The following ADIPOR2 variants were observed in gnomAD, a reference collection of about 807,000 sequenced individuals.
The protein encoded by ADIPOR2 is adiponectin receptor protein 2.
A neutral mutation model predicts 40.9 loss-of-function variants in ADIPOR2; 18 were observed. The observed-to-expected ratio is 0.44, with a 90% CI of 0.30 to 0.65. The LOEUF is 0.65. Ranked by LOEUF, ADIPOR2 falls within the 30% of genes least tolerant of loss-of-function variation. The pLI is 0.09. For missense variants in ADIPOR2, 283 were observed against 479.2 expected (o/e 0.59, Z 3.82); for synonymous variants, 165 against 166.4 (o/e 0.99, Z 0.06).
chr12:1,763,275 ATCACAGTTT>A (rs1422326260), intron 2 of ADIPOR2, among the ~76,000 whole-genome samples: 12 of 152,350 alleles, frequency 7.9e-5, no homozygotes, highest in Middle Eastern at 6.8e-3. Context: ...AGAGCCAGTG[ATCACAGTTT>A]TCTTTTCATA....
At chr12:1,761,738 C>T (rs1185658476) in intron 2 of ADIPOR2, among the ~76,000 whole-genome samples, 1 of 152,236 alleles carries the variant, frequency 6.6e-6, no homozygotes, top group Non-Finnish European at 1.5e-5. Flanking sequence ...ATGGTCTCCT[C>T]ATCATCTGTT....
chr12:1,758,851 C>G (rs775247868), intron 2 of ADIPOR2, among the ~76,000 whole-genome samples: 1 of 152,174 alleles, frequency 6.6e-6, no homozygotes, highest in East Asian at 1.9e-4. Flanking sequence ...CAGACATTAT[C>G]TCATTTGCTT....
intron 1 of ADIPOR2, among the ~76,000 whole-genome samples, chr12:1,723,640 AAAAAC>A (rs143381580): frequency 0.068 from 10,338 of 151,596 alleles, 435 homozygotes; most frequent in East Asian, 0.17. Context: ...ACTCCATCTC[AAAAAC>A]AAAACAAAAC....
intron 1 of ADIPOR2, among the ~76,000 whole-genome samples, chr12:1,705,707 G>A (rs1335138048): frequency 6.6e-6 from 1 of 152,154 alleles, no homozygotes; most frequent in African/African-American, 2.4e-5. Flanking sequence ...TGGGAAATGA[G>A]GATAACCGTT....
chr12:1,695,814 A>G (rs1305678360), intron 1 of ADIPOR2: 1 of 151,962 alleles, frequency 6.6e-6, no homozygotes, highest in Non-Finnish European at 1.5e-5. Context: ...TTGGGAATGG[A>G]AGGCTGGCTT....
intron 1 of ADIPOR2, among the ~76,000 whole-genome samples, chr12:1,730,521 G>A (rs757961015): frequency 1.7e-4 from 26 of 151,662 alleles, no homozygotes; most frequent in Non-Finnish European, 3.5e-4. Context: ...GGAAGCTGAG[G>A]CAGGAGAATG....
At chr12:1,700,033 C>A (rs2094647105) in intron 1 of ADIPOR2, among the ~76,000 whole-genome samples, 1 of 152,194 alleles carries the variant, frequency 6.6e-6, no homozygotes, top group Non-Finnish European at 1.5e-5. Context: ...GAAAAGGACA[C>A]TTAAGTTTTT....
chr12:1,762,594 T>G (rs963542434), intron 2 of ADIPOR2, among the ~76,000 whole-genome samples: 2 of 152,220 alleles, frequency 1.3e-5, no homozygotes, highest in Non-Finnish European at 2.9e-5. Flanking sequence ...TAGGGAAGCT[T>G]AACTAATCTA....
intron 7 of ADIPOR2, 53 bp from the exon 8 acceptor site, chr12:1,785,891 T>C (rs1862820256): frequency 2.7e-5 from 44 of 1,601,192 alleles, no homozygotes; most frequent in Non-Finnish European, 3.7e-5. Context: ...TCTTTAGCAG[T>C]CTTAATAATG....
chr12:1,730,446 T>A (rs1196737008), intron 1 of ADIPOR2, among the ~76,000 whole-genome samples: 1 of 151,620 alleles, frequency 6.6e-6, no homozygotes. Context: ...TGAAACCTCG[T>A]CTCTACTAAA....
At chr12:1,691,289 G>C (rs1407798615) in intron 1 of ADIPOR2, 98 bp downstream of exon 1, 1 of 152,538 alleles carries the variant, frequency 6.6e-6, no homozygotes, top group Non-Finnish European at 1.5e-5. Context: ...GGTGAGAGCT[G>C]AGGGGCGAAT....
At chr12:1,720,026 A>G (rs939310336) in intron 1 of ADIPOR2, among the ~76,000 whole-genome samples, 1 of 152,152 alleles carries the variant, frequency 6.6e-6, no homozygotes, top group Non-Finnish European at 1.5e-5. Context: ...AGTGAATTCT[A>G]AAGAAGGCCT....
intron 1 of ADIPOR2, among the ~76,000 whole-genome samples, chr12:1,703,871 A>G (rs915536836): frequency 1.3e-5 from 2 of 152,160 alleles, no homozygotes; most frequent in Non-Finnish European, 2.9e-5. Flanking sequence ...GTGCCACCAC[A>G]CATGATTAAT....
chr12:1,769,151 CATAAT>C (rs1424488412), intron 2 of ADIPOR2, among the ~76,000 whole-genome samples: 2 of 152,142 alleles, frequency 1.3e-5, no homozygotes, highest in African/African-American at 2.4e-5. Flanking sequence ...TAATTTCACT[CATAAT>C]AAAATAGTTA....
intron 1 of ADIPOR2, among the ~76,000 whole-genome samples, chr12:1,704,484 A>G (rs563710463): frequency 1.3e-5 from 2 of 152,340 alleles, no homozygotes; most frequent in Non-Finnish European, 2.9e-5. Context: ...ATTAATGAGG[A>G]AACAGATTGC....
intron 1 of ADIPOR2, among the ~76,000 whole-genome samples, chr12:1,722,296 A>G (rs1450439487): frequency 6.6e-6 from 1 of 152,210 alleles, no homozygotes. Context: ...GGTGCAGTTT[A>G]CTGAAATGGA....
chr12:1,696,919 TC>T (rs1454497024), intron 1 of ADIPOR2: 3 of 153,066 alleles, frequency 2.0e-5, no homozygotes, highest in Non-Finnish European at 2.9e-5. Flanking sequence ...TGTCATGTCT[TC>T]CCTAAAGTTC....
At chr12:1,748,753 C>G (rs1265264904) in intron 1 of ADIPOR2, among the ~76,000 whole-genome samples, 1 of 152,018 alleles carries the variant, frequency 6.6e-6, no homozygotes, top group Non-Finnish European at 1.5e-5. Context: ...TCTCCTCAAA[C>G]TGTGTTTTTC....
At chr12:1,743,310 TAAAAAAAAAA>T (rs137936686) in intron 1 of ADIPOR2, among the ~76,000 whole-genome samples, 2 of 88,600 alleles carry the variant, frequency 2.3e-5, no homozygotes, top group East Asian at 3.1e-4. Context: ...AGACGCTGTC[TAAAAAAAAAA>T]AAAAAAAAAG....
Sources: gnomAD v4.1 joint callset for allele counts (sites outside exome capture counted in the v4.1 genomes callset) on GRCh38, gnomAD v4.1.1 for gene constraint, MANE v1.5 for transcripts, NCBI Gene and HGNC (gene_info 2026-07-23, HGNC 2026-07-21) for gene names.